The following GPHN variants were observed in gnomAD, a reference collection of about 807,000 sequenced individuals.
The protein encoded by GPHN is gephyrin.
Under a neutral mutation model 95.5 loss-of-function variants are expected in GPHN, and 17 were observed. The ratio of observed to expected loss-of-function variants is 0.18; its 90% confidence interval spans 0.12 to 0.27. The LOEUF (loss-of-function observed/expected upper bound fraction) is 0.27. GPHN is among the 10% of genes least tolerant of loss of function. The pLI is 1.00. For missense variants in GPHN, 660 were observed against 978.1 expected (o/e 0.67, Z 4.34); for synonymous variants, 320 against 322.5 (o/e 0.99, Z 0.08).
At chr14:67,542,056 T>C in the GPHN span, 1 of 1,439,140 alleles carries the variant, frequency 6.9e-7, no homozygotes, top group African/African-American at 1.4e-5. Context: ...GGGAGGGCCG[T>C]GTGAGAGAGG....
chr14:66,696,654 C>T (rs1309938387), intron 2 of GPHN, among the ~76,000 whole-genome samples: 1 of 152,224 alleles, frequency 6.6e-6, no homozygotes, highest in Non-Finnish European at 1.5e-5. Flanking sequence ...CCTACACCAA[C>T]CCATGCCAGC....
At chr14:67,714,374 A>C in the GPHN span, among the ~76,000 whole-genome samples, 2 of 152,044 alleles carry the variant, frequency 1.3e-5, no homozygotes, top group African/African-American at 4.8e-5. Flanking sequence ...TTGCCTCAAT[A>C]AATCCTCCTG....
At chr14:67,386,255 A>G in the GPHN span, 2 of 152,672 alleles carry the variant, frequency 1.3e-5, no homozygotes, top group African/African-American at 2.4e-5. Context: ...CATATAAGGA[A>G]TAAGTAAAAC....
chr14:66,825,010 A>G (rs1277218422), intron 4 of GPHN, among the ~76,000 whole-genome samples: 1 of 152,148 alleles, frequency 6.6e-6, no homozygotes, highest in African/African-American at 2.4e-5. Context: ...TTGAAAAGGG[A>G]TATATTTTCC....
chr14:67,472,111 G>A, the GPHN span: 1 of 152,328 alleles, frequency 6.6e-6, no homozygotes, highest in African/African-American at 2.4e-5. Context: ...GAGCTCAAAG[G>A]GTCAGCCTTG....
chr14:66,677,599 C>G (rs2066681063), intron 1 of GPHN, among the ~76,000 whole-genome samples: 1 of 151,988 alleles, frequency 6.6e-6, no homozygotes, highest in Non-Finnish European at 1.5e-5. Flanking sequence ...CAAAGTTCCT[C>G]TTGTTACTAA....
At chr14:67,349,882 C>T in the GPHN span, among the ~76,000 whole-genome samples, 1 of 152,098 alleles carries the variant, frequency 6.6e-6, no homozygotes, top group Non-Finnish European at 1.5e-5. Context: ...CTTATTAAGG[C>T]CCAAGAGCAG....
chr14:66,586,810 C>T (rs1236965176), intron 1 of GPHN, among the ~76,000 whole-genome samples: 1 of 151,844 alleles, frequency 6.6e-6, no homozygotes, highest in East Asian at 1.9e-4. Context: ...AAGAAAGATC[C>T]CACTAAAACA....
chr14:66,572,891 A>G (rs2060753370), intron 1 of GPHN, among the ~76,000 whole-genome samples: 1 of 152,136 alleles, frequency 6.6e-6, no homozygotes, highest in African/African-American at 2.4e-5. Flanking sequence ...TTAGCTGCAC[A>G]CTTTTCATAT....
At chr14:67,027,155 TGTC>T (rs1177357059) in intron 10 of GPHN, among the ~76,000 whole-genome samples, 1 of 152,232 alleles carries the variant, frequency 6.6e-6, no homozygotes, top group Non-Finnish European at 1.5e-5. Context: ...ATGACACTAT[TGTC>T]TTCTGTCATC....
At chr14:66,689,834 T>A (rs1595563157) in intron 2 of GPHN, among the ~76,000 whole-genome samples, 1 of 152,188 alleles carries the variant, frequency 6.6e-6, no homozygotes, top group East Asian at 1.9e-4. Flanking sequence ...TTCATAATAG[T>A]CTTTAATGAT....
rs1281420859 is a variant in GPHN at position 66,597,376 on chromosome 14, G to A, written c.65-83731G>A. 2.6e-5 allele frequency among the ~76,000 whole-genome samples: 4 copies of A among 152,164 alleles called. No individual in the cohort carries two copies. The East Asian group carries it at 7.7e-4, about 29-fold the overall frequency. ...CTGGTTGGTTCACAAGAGCAAGCTG[G>A]GTTAGTCTAAAATGCAGACCAAAAC... is the stretch of plus-strand genomic sequence containing the variant. On this transcript the variant is annotated intron_variant, in intron 1 of 22. Transcript: ENST00000478722.
chr14:67,551,431 C>T, the GPHN span, among the ~76,000 whole-genome samples: 1 of 152,138 alleles, frequency 6.6e-6, no homozygotes, highest in African/African-American at 2.4e-5. Context: ...GGAATCTTCA[C>T]AACGATCCTA....
intron 5 of GPHN, among the ~76,000 whole-genome samples, chr14:66,896,203 A>G (rs1182826246): frequency 6.6e-6 from 1 of 152,190 alleles, no homozygotes; most frequent in Non-Finnish European, 1.5e-5. Flanking sequence ...TGGGGTAAAC[A>G]AAAACATTTA....
chr14:67,668,973 G>GTT, the GPHN span, among the ~76,000 whole-genome samples: 2 of 152,094 alleles, frequency 1.3e-5, no homozygotes, highest in African/African-American at 4.8e-5. Flanking sequence ...GGTAAGAATA[G>GTT]TTGTATACAG....
chr14:66,950,223 G>T (rs1367926891), intron 8 of GPHN, among the ~76,000 whole-genome samples: 1 of 152,120 alleles, frequency 6.6e-6, no homozygotes, highest in African/African-American at 2.4e-5. Context: ...TTCTCTAAAA[G>T]TAGGAATGTT....
chr14:67,599,543 C>G, the GPHN span, among the ~76,000 whole-genome samples: 1 of 152,168 alleles, frequency 6.6e-6, no homozygotes, highest in Non-Finnish European at 1.5e-5. Context: ...CTATAACACT[C>G]TATCTATACA....
chr14:67,466,208 G>A, the GPHN span, among the ~76,000 whole-genome samples: 2 of 152,246 alleles, frequency 1.3e-5, no homozygotes, highest in South Asian at 4.1e-4. Context: ...CTTTCTGTTT[G>A]GAAGCTGTAA....
At chr14:66,901,581 C>T (rs753192392) in intron 5 of GPHN, among the ~76,000 whole-genome samples, 8 of 151,992 alleles carry the variant, frequency 5.3e-5, no homozygotes, top group Non-Finnish European at 1.0e-4. Context: ...TAATTTCATA[C>T]CTCTGCAAGT....
Sources: allele counts gnomAD v4.1 joint callset (sites outside exome capture counted in the v4.1 genomes callset), GRCh38; gene constraint gnomAD v4.1.1; transcripts MANE v1.5; gene names NCBI Gene and HGNC (gene_info 2026-07-23, HGNC 2026-07-21).